Variants in ASCC3 observed in about 807,000 individuals in gnomAD.
The protein encoded by ASCC3 is activating signal cointegrator 1 complex subunit 3, also known as ASC-1 complex subunit P200.
A neutral mutation model predicts 256.3 loss-of-function variants in ASCC3; 158 were observed. The observed-to-expected ratio is 0.62, with a 90% CI of 0.54 to 0.70. ASCC3 has a LOEUF of 0.70. Among genes scored for constraint, ASCC3 ranks in the 30% least tolerant of loss-of-function variants. The pLI, the probability that ASCC3 is intolerant of heterozygous loss-of-function variation, is 0.00. For missense variants in ASCC3, 2,259 were observed against 2,626.0 expected, an observed-to-expected ratio of 0.86 and a Z score of 3.05; for synonymous variants, 948 against 883.4, an observed-to-expected ratio of 1.07 and a Z score of -1.30.
chr6:100,651,451 T>G (rs541167632), intron 19 of ASCC3, 109 bp downstream of exon 19: 2 of 444,810 alleles, frequency 4.5e-6, no homozygotes, highest in Non-Finnish European at 8.0e-6. Flanking sequence ...TTGCTGATAT[T>G]CCAAATGTGA....
At chr6:100,749,447 T>A (rs758846214) in intron 10 of ASCC3, among the ~76,000 whole-genome samples, 3 of 151,996 alleles carry the variant, frequency 2.0e-5, no homozygotes, top group African/African-American at 7.2e-5. Flanking sequence ...TTTTCTACAA[T>A]GAGAATATTA....
chr6:100,792,390 G>T (rs2114308298), intron 8 of ASCC3, among the ~76,000 whole-genome samples: 1 of 151,870 alleles, frequency 6.6e-6, no homozygotes, highest in South Asian at 2.1e-4. Flanking sequence ...CTGTTCCCTA[G>T]CTTTGATATT....
At chr6:100,640,181 T>C (rs1393481466) in intron 24 of ASCC3, among the ~76,000 whole-genome samples, 4 of 152,212 alleles carry the variant, frequency 2.6e-5, no homozygotes, top group Non-Finnish European at 4.4e-5. Flanking sequence ...AAGTTAATGC[T>C]TGTAATGCTA....
At chr6:100,685,069 AGTGCT>A (rs1463022210) in intron 13 of ASCC3, among the ~76,000 whole-genome samples, 1 of 152,076 alleles carries the variant, frequency 6.6e-6, no homozygotes, top group East Asian at 1.9e-4. Flanking sequence ...GGCCTCCCAA[AGTGCT>A]GGGATTACAG....
intron 36 of ASCC3, among the ~76,000 whole-genome samples, chr6:100,589,016 G>GA (rs1268296101): frequency 6.6e-6 from 1 of 151,840 alleles, no homozygotes; most frequent in Non-Finnish European, 1.5e-5. Flanking sequence ...TCAACAAAGG[G>GA]AAAAAAAGCC....
At chr6:100,581,508 G>A (rs879604834) in intron 36 of ASCC3, among the ~76,000 whole-genome samples, 2,412 of 151,854 alleles carry the variant, frequency 0.016, 30 homozygotes, top group Non-Finnish European at 0.023. Flanking sequence ...AGTAGGTTGC[G>A]AAAATTTTCT....
intron 8 of ASCC3, among the ~76,000 whole-genome samples, chr6:100,773,694 T>C (rs926381552): frequency 6.6e-6 from 1 of 152,188 alleles, no homozygotes; most frequent in African/African-American, 2.4e-5. Flanking sequence ...TGTTTTTTAT[T>C]ACTCTTTGTA....
In ASCC3 at chr6:100,618,065, A is replaced by T. The variant is rs183157155; in HGVS notation, c.4785+7127T>A. Among the ~76,000 whole-genome samples, 8 of 152,334 alleles carry T rather than the reference A, an allele frequency of 5.3e-5. No homozygotes were observed. In the East Asian group the frequency reaches 1.5e-3, roughly 29 times the overall value. ...ATATAACTTCTTCTTTTAAAAATGA[A>T]TACTTTACAGATTCTGAGAAGGGCT... On this transcript the variant is annotated intron_variant, in intron 30 of 41. Coordinates refer to ENST00000369162, the MANE Select transcript of ASCC3 (RefSeq NM_006828.4).
At chr6:100,509,577 A>C in intron 41 of ASCC3, 44 bp from the exon 42 acceptor site, 3 of 1,544,274 alleles carry the variant, frequency 1.9e-6, no homozygotes, top group Non-Finnish European at 2.7e-6. Flanking sequence ...CACTTTTGTA[A>C]TCACAATCAT....
At chr6:100,678,037 C>T (rs1308283297) in intron 14 of ASCC3, among the ~76,000 whole-genome samples, 1 of 151,940 alleles carries the variant, frequency 6.6e-6, no homozygotes, top group African/African-American at 2.4e-5. Context: ...TATGCCATAT[C>T]AAGGGATAAT....
At chr6:100,666,747 A>G (rs2114940534) in intron 14 of ASCC3, among the ~76,000 whole-genome samples, 1 of 152,242 alleles carries the variant, frequency 6.6e-6, no homozygotes, top group Middle Eastern at 3.4e-3. Flanking sequence ...ACCTCATGAG[A>G]CTATTTAGTG....
intron 22 of ASCC3, among the ~76,000 whole-genome samples, chr6:100,645,264 A>G (rs569231109): frequency 6.6e-6 from 1 of 152,228 alleles, no homozygotes; most frequent in East Asian, 1.9e-4. Context: ...GTAACTGTAA[A>G]TTTATATTTA....
chr6:100,723,902 A>ATATAT lies in ASCC3; in HGVS notation c.1902+1636_1902+1637insATATA, dbSNP rs1233478212. 2.5e-3 allele frequency among the ~76,000 whole-genome samples: 322 copies of ATATAT among 126,634 alleles called. 7 individuals carry two copies. Among genetic ancestry groups the ATATAT allele is most frequent in the East Asian group, 0.011 (47 of 4,096 alleles). The allele number at this position is 126,634 out of a possible 152,430, so 83.1% of individuals were successfully genotyped here. A position where few individuals can be genotyped will look rare whatever the true frequency, so the allele number is the denominator to read the frequency against. On this transcript the variant is annotated intron_variant, in intron 11 of 41. Coordinates refer to ENST00000369162, the MANE Select transcript of ASCC3 (RefSeq NM_006828.4). The stretch of plus-strand genomic sequence containing the variant: ...TATATATATATATATATATATTTAT[A>ATATAT]ATTATATATATGACACATATATATA...
chr6:100,519,053 G>C (rs1774173979), intron 37 of ASCC3, among the ~76,000 whole-genome samples: 1 of 152,070 alleles, frequency 6.6e-6, no homozygotes, highest in Admixed American at 6.6e-5. Context: ...TCTGTTGTTA[G>C]TGGACTTTTA....
chr6:100,782,835 G>T (rs879762358), intron 8 of ASCC3, among the ~76,000 whole-genome samples: 2 of 151,756 alleles, frequency 1.3e-5, no homozygotes, highest in African/African-American at 4.8e-5. Context: ...ATTTGAGGAG[G>T]GCAGGAAATA....
At position 100,627,597 on chromosome 6, in the gene ASCC3, T is replaced by C; in HGVS notation, c.4635A>G (p.Ala1545=). The C allele has an allele frequency of 6.2e-7, 1 of 1,613,382 alleles. No homozygotes were observed. The highest frequency in any genetic ancestry group is 1.1e-5 in the South Asian group (1 of 91,072). ...CAAGAATCTGAAGCTTACCCTGAAA[T>C]GCAGGCTTGTTCATACTAGCCATAC... ...CPRMASMNKP[A]FQAIRSHSPA... Residue 1545 remains alanine, a synonymous_variant, in exon 29 of 42, where the codon GCA becomes GCG. Coordinates refer to ENST00000369162, the MANE Select transcript of ASCC3 (RefSeq NM_006828.4).
At chr6:100,613,741 G>A (rs192322863) in intron 30 of ASCC3, among the ~76,000 whole-genome samples, 1 of 152,152 alleles carries the variant, frequency 6.6e-6, no homozygotes, top group African/African-American at 2.4e-5. Context: ...TTAGTTTTCT[G>A]AGAAATCTCC....
At chr6:100,877,128 T>C (rs141092495) in intron 1 of ASCC3, among the ~76,000 whole-genome samples, 2 of 152,284 alleles carry the variant, frequency 1.3e-5, no homozygotes, top group Admixed American at 6.5e-5. Flanking sequence ...AGTTACTGTA[T>C]TTTTTCGTTA....
intron 36 of ASCC3, among the ~76,000 whole-genome samples, chr6:100,580,671 C>T (rs1170629287): frequency 7.3e-5 from 11 of 151,496 alleles, no homozygotes; most frequent in South Asian, 2.1e-4. Context: ...CATGCTGGTG[C>T]GCTGCACCCA....
Sources: gnomAD v4.1 joint callset for allele counts (sites outside exome capture counted in the v4.1 genomes callset) on GRCh38, gnomAD v4.1.1 for gene constraint, MANE v1.5 for transcripts, NCBI Gene and HGNC (gene_info 2026-07-23, HGNC 2026-07-21) for gene names.